The following QPCT variants were observed in gnomAD, a reference collection of about 807,000 sequenced individuals.
QPCT encodes EC.
In QPCT, 44 loss-of-function variants were observed where a neutral mutation model predicts 43.4. The ratio of observed to expected loss-of-function variants is 1.01; its 90% confidence interval spans 0.80 to 1.30. QPCT has a LOEUF of 1.30. Ranked by LOEUF, QPCT falls within the 50% of genes most tolerant of loss-of-function variation. The pLI, the probability that QPCT is intolerant of heterozygous loss-of-function variation, is 0.00. For missense variants in QPCT, 526 were observed against 436.5 expected, an observed-to-expected ratio of 1.21 and a Z score of -1.83; for synonymous variants, 168 against 168.4, an observed-to-expected ratio of 1.00 and a Z score of 0.02.
intron 4 of QPCT, 95 bp downstream of exon 4, chr2:37,367,503 C>A: frequency 8.0e-7 from 1 of 1,243,686 alleles, no homozygotes; most frequent in Non-Finnish European, 1.1e-6. Flanking sequence ...AATGCCACAG[C>A]ATCCTTGGAG....
intron 1 of QPCT, among the ~76,000 whole-genome samples, chr2:37,350,086 C>A (rs951978827): frequency 6.6e-6 from 1 of 152,076 alleles, no homozygotes. Context: ...AAAGAAGTGG[C>A]CTCCAAGCTG....
At chr2:37,352,962 G>C in intron 2 of QPCT, 27 bp downstream of exon 2, 1 of 1,601,950 alleles carries the variant, frequency 6.2e-7, no homozygotes, top group African/African-American at 1.3e-5. Flanking sequence ...CAAACCTCAA[G>C]CTTGTGTGAA....
chr2:37,361,473 C>T (rs1572734447), intron 3 of QPCT, among the ~76,000 whole-genome samples: 1 of 152,186 alleles, frequency 6.6e-6, no homozygotes, highest in East Asian at 1.9e-4. Flanking sequence ...TTTGACTTGC[C>T]TTAGCCAATG....
chr2:37,368,753 CAA>C, intron 4 of QPCT: 1 of 466,336 alleles, frequency 2.1e-6, no homozygotes, highest in South Asian at 1.6e-5. Flanking sequence ...AGCAGTAGAA[CAA>C]AGTTATTTAT....
At chr2:37,361,301 T>G (rs919483445) in intron 3 of QPCT, among the ~76,000 whole-genome samples, 7 of 152,094 alleles carry the variant, frequency 4.6e-5, no homozygotes, top group Admixed American at 3.3e-4. Context: ...CCTGAAAGAG[T>G]GCTTGATAAG....
chr2:37,359,024 G>A (rs558194439), intron 2 of QPCT: 1 of 154,004 alleles, frequency 6.5e-6, no homozygotes, highest in South Asian at 2.0e-4. Flanking sequence ...ATAGAGACCT[G>A]TAGGTTGCTG....
At chr2:37,361,586 G>A (rs1447939490) in intron 3 of QPCT, among the ~76,000 whole-genome samples, 1 of 152,184 alleles carries the variant, frequency 6.6e-6, no homozygotes, top group Non-Finnish European at 1.5e-5. Context: ...GCATGCCCTG[G>A]CTAGCCTGCC....
At chr2:37,350,490 A>T (rs887681614) in intron 1 of QPCT, among the ~76,000 whole-genome samples, 20 of 152,232 alleles carry the variant, frequency 1.3e-4, no homozygotes, top group Non-Finnish European at 1.5e-5. Context: ...AAATATATTT[A>T]AAAATGTCCT....
intron 2 of QPCT, among the ~76,000 whole-genome samples, chr2:37,354,630 C>T (rs1230886013): frequency 6.6e-6 from 1 of 152,238 alleles, no homozygotes; most frequent in East Asian, 1.9e-4. Context: ...ATGTCTCCAG[C>T]TCTCGATCTT....
intron 2 of QPCT, among the ~76,000 whole-genome samples, chr2:37,357,323 T>TC (rs1322413656): frequency 3.1e-4 from 47 of 152,124 alleles, no homozygotes; most frequent in African/African-American, 1.1e-3. Flanking sequence ...GAATTTTTTT[T>TC]TTTTTTACAG....
intron 3 of QPCT, among the ~76,000 whole-genome samples, chr2:37,360,761 CT>C (rs200284027): frequency 6.6e-6 from 1 of 151,956 alleles, no homozygotes; most frequent in African/African-American, 2.4e-5. Context: ...CTTTTCACTT[CT>C]TTTTTTTGGT....
chr2:37,352,225 T>G (rs1303246587), intron 1 of QPCT, among the ~76,000 whole-genome samples: 3 of 152,182 alleles, frequency 2.0e-5, no homozygotes, highest in Non-Finnish European at 4.4e-5. Flanking sequence ...CCTATTAAAA[T>G]TCGAGGACCC....
Position 37,344,726 on chromosome 2 carries a change from G to T in QPCT, c.-6G>T. On this transcript the variant is annotated 5_prime_UTR_variant, in exon 1 of 7. Transcript: ENST00000338415. ...GGGGAACCCGCTCCCAGACAGACTCGGAGAGATGGCAGGCGGAAGACACCG... is the reference window on the plus strand; with the variant it reads ...GGGGAACCCGCTCCCAGACAGACTCTGAGAGATGGCAGGCGGAAGACACCG... 6.2e-7 allele frequency: 1 copy of T among 1,600,244 alleles called. No individual in the cohort carries two copies.
intron 2 of QPCT, among the ~76,000 whole-genome samples, chr2:37,354,199 C>G (rs1283559369): frequency 6.6e-6 from 1 of 152,206 alleles, no homozygotes; most frequent in Non-Finnish European, 1.5e-5. Context: ...CAGCCTCTGC[C>G]TCTCAGGCTA....
intron 5 of QPCT, among the ~76,000 whole-genome samples, chr2:37,370,870 A>C (rs1673057807): frequency 3.9e-5 from 6 of 152,216 alleles, no homozygotes; most frequent in Admixed American, 3.9e-4. Context: ...AAAGATGAAA[A>C]TGAGATTGAT....
intron 3 of QPCT, among the ~76,000 whole-genome samples, chr2:37,365,407 T>C (rs1169621425): frequency 6.6e-6 from 1 of 152,224 alleles, no homozygotes; most frequent in Non-Finnish European, 1.5e-5. Context: ...GTCATTGGTG[T>C]CTTGACAAGA....
rs753278087 is a variant in QPCT, at chr2:37,372,768, A to G, written c.1027A>G (p.Thr343Ala). The change falls in exon 7 of 7, where the codon ACC becomes GCC. Residue 343 changes from threonine to alanine, a missense_variant. Physicochemically the swap from Thr to Ala is moderately conservative, Grantham distance 58. Transcript: ENST00000338415. ...DDNEENLDES[T>A]IDNLNKILQV... is the part of the protein sequence containing the mutation. Reference sequence around the variant, plus strand: ...CAATGAAGAAAATTTGGATGAATCAACCATTGACAATCTAAACAAAATCCT... The same window carrying G: ...CAATGAAGAAAATTTGGATGAATCAGCCATTGACAATCTAAACAAAATCCT... 1.5e-5 allele frequency: 25 copies of G among 1,613,054 alleles called. No individual in the cohort carries two copies. The highest frequency in any genetic ancestry group is 2.7e-5 in the African/African-American group (2 of 74,874).
intron 1 of QPCT, among the ~76,000 whole-genome samples, chr2:37,350,142 C>G (rs1227740691): frequency 6.6e-6 from 1 of 152,102 alleles, no homozygotes. Context: ...GGAGGGGAAA[C>G]AGCTTGTAAG....
intron 1 of QPCT, among the ~76,000 whole-genome samples, chr2:37,351,418 A>G (rs1006316179): frequency 4.6e-5 from 7 of 152,212 alleles, no homozygotes; most frequent in Non-Finnish European, 8.8e-5. Flanking sequence ...AATATACAGT[A>G]TGTGTGAAGT....
Sources: gnomAD v4.1 joint callset for allele counts (sites outside exome capture counted in the v4.1 genomes callset) on GRCh38, gnomAD v4.1.1 for gene constraint, MANE v1.5 for transcripts, NCBI Gene and HGNC (gene_info 2026-07-23, HGNC 2026-07-21) for gene names.